The following IL1RAPL1 variants were observed in gnomAD, a reference collection of about 807,000 sequenced individuals.
IL1RAPL1 encodes the protein interleukin-1 receptor accessory protein-like 1.
A neutral mutation model predicts 48.4 loss-of-function variants in IL1RAPL1; 3 were observed. The observed-to-expected ratio is 0.06, with a 90% CI of 0.03 to 0.16. The LOEUF (loss-of-function observed/expected upper bound fraction) is 0.16. Among genes scored for constraint, IL1RAPL1 ranks in the 10% least tolerant of loss-of-function variants. The pLI, the probability that IL1RAPL1 is intolerant of heterozygous loss-of-function variation, is 1.00. For synonymous variants in IL1RAPL1, 185 were observed against 187.7 expected, an observed-to-expected ratio of 0.99 and a Z score of 0.12; for missense variants, 349 against 530.6, an observed-to-expected ratio of 0.66 and a Z score of 3.36.
chrX:29,261,483 C>T (rs965056703), intron 2 of IL1RAPL1, among the ~76,000 whole-genome samples: 7 of 110,992 alleles, frequency 6.3e-5, no homozygotes, highest in African/African-American at 2.3e-4. Context: ...GGTACCAAAA[C>T]CCACCCTCTT....
chrX:29,597,047 A>G (rs1923571458), intron 5 of IL1RAPL1, among the ~76,000 whole-genome samples: 1 of 110,644 alleles, frequency 9.0e-6, no homozygotes, highest in Admixed American at 9.6e-5. Flanking sequence ...TGAGTTGTGG[A>G]TGTTAAACCA....
intron 5 of IL1RAPL1, among the ~76,000 whole-genome samples, chrX:29,416,460 T>TG (rs1220121802): frequency 1.8e-5 from 2 of 110,209 alleles, no homozygotes; most frequent in Admixed American, 9.8e-5. Flanking sequence ...CACTTGAACT[T>TG]GGGGGGGCAG....
intron 3 of IL1RAPL1, among the ~76,000 whole-genome samples, chrX:29,286,947 A>C (rs1932291939): frequency 9.1e-6 from 1 of 110,256 alleles, no homozygotes; most frequent in Non-Finnish European, 1.9e-5. Flanking sequence ...TGCCATACCC[A>C]GATTTGCTCG....
chrX:28,910,238 A>C (rs1465181021), intron 2 of IL1RAPL1, among the ~76,000 whole-genome samples: 1 of 111,192 alleles, frequency 9.0e-6, no homozygotes, highest in Non-Finnish European at 1.9e-5. Flanking sequence ...GATTTTCTTT[A>C]TTTGATCTGA....
intron 6 of IL1RAPL1, among the ~76,000 whole-genome samples, chrX:29,833,724 G>GTGTT (rs1277665204): frequency 8.9e-6 from 1 of 111,773 alleles, no homozygotes; most frequent in Non-Finnish European, 1.9e-5. Context: ...ACTGACTAGA[G>GTGTT]TGTTAGGAAC....
chrX:29,806,943 T>C (rs1221767054), intron 6 of IL1RAPL1, among the ~76,000 whole-genome samples: 1 of 110,005 alleles, frequency 9.1e-6, no homozygotes, highest in African/African-American at 3.3e-5. Flanking sequence ...TCTGACCATG[T>C]AAGATGTGCC....
chrX:29,737,262 T>C (rs1462825819), intron 6 of IL1RAPL1, among the ~76,000 whole-genome samples: 1 of 111,842 alleles, frequency 8.9e-6, no homozygotes, highest in Non-Finnish European at 1.9e-5. Context: ...TCAAATTTCT[T>C]TTATGGATAA....
intron 2 of IL1RAPL1, among the ~76,000 whole-genome samples, chrX:28,994,744 GA>G (rs746762481): frequency 1.8e-5 from 2 of 111,662 alleles, no homozygotes; most frequent in Admixed American, 1.9e-4. Flanking sequence ...TTATTTCAAT[GA>G]AAAATCTGAA....
chrX:29,372,049 A>C (rs949709311), intron 3 of IL1RAPL1, among the ~76,000 whole-genome samples: 3 of 112,535 alleles, frequency 2.7e-5, no homozygotes, highest in South Asian at 7.2e-4. Flanking sequence ...CCAAAAGTGC[A>C]CAAGAGTTCT....
At chrX:28,686,084 C>T (rs1486537551) in intron 1 of IL1RAPL1, among the ~76,000 whole-genome samples, 3 of 111,640 alleles carry the variant, frequency 2.7e-5, no homozygotes, top group Admixed American at 9.5e-5. Flanking sequence ...AATGATTCTA[C>T]GTGGCCTAAA....
intron 5 of IL1RAPL1, among the ~76,000 whole-genome samples, chrX:29,667,729 G>C (rs984292492): frequency 8.9e-6 from 1 of 112,158 alleles, no homozygotes; most frequent in Non-Finnish European, 1.9e-5. Flanking sequence ...GTTGACGAGA[G>C]CACAGAGCAG....
At chrX:28,830,992 TTC>T (rs1160527555) in intron 2 of IL1RAPL1, among the ~76,000 whole-genome samples, 299 of 16,047 alleles carry the variant, frequency 0.019, 6 homozygotes, top group Middle Eastern at 0.14. Flanking sequence ...TGCCCAGGGT[TTC>T]TCTCTCTCTC....
At chrX:29,153,019 A>C (rs2147499819) in intron 2 of IL1RAPL1, among the ~76,000 whole-genome samples, 1 of 112,186 alleles carries the variant, frequency 8.9e-6, no homozygotes, top group Non-Finnish European at 1.9e-5. Flanking sequence ...AGCTAAAGTT[A>C]AGGTGTCATC....
chrX:29,142,848 G>A (rs1358519776), intron 2 of IL1RAPL1, among the ~76,000 whole-genome samples: 1 of 109,921 alleles, frequency 9.1e-6, no homozygotes, highest in Admixed American at 9.8e-5. Context: ...TTACAGATGT[G>A]TGCCACCACA....
chrX:29,556,001 T>C (rs1307368674), intron 5 of IL1RAPL1, among the ~76,000 whole-genome samples: 1 of 111,700 alleles, frequency 9.0e-6, no homozygotes, highest in African/African-American at 3.3e-5. Context: ...CTGTATTCAT[T>C]TGCATAATTT....
At position 29,529,284 on chromosome X, in the gene IL1RAPL1, G is replaced by A. The variant is rs1386489432; in HGVS notation, c.703+129976G>A. Among the ~76,000 whole-genome samples, 3 of 111,177 alleles carry A rather than the reference G, an allele frequency of 2.7e-5. No homozygotes were observed. The East Asian group carries it at 8.5e-4, about 31-fold the overall frequency. On this transcript the variant is annotated intron_variant, in intron 5 of 10. Coordinates refer to ENST00000378993, the MANE Select transcript of IL1RAPL1 (RefSeq NM_014271.4). ...ATTATTTGATCAATTAACAAAATTA[G>A]AATATGAACTACAGTTGAAAGTATT...
chrX:29,188,315 ATG>A (rs973099170), intron 2 of IL1RAPL1, among the ~76,000 whole-genome samples: 25 of 111,495 alleles, frequency 2.2e-4, no homozygotes, highest in African/African-American at 6.8e-4. Flanking sequence ...ATTACCACCA[ATG>A]TGATTTTTTC....
chrX:29,180,566 G>A (rs868189297), intron 2 of IL1RAPL1, among the ~76,000 whole-genome samples: 8 of 109,952 alleles, frequency 7.3e-5, no homozygotes, highest in African/African-American at 2.6e-4. Flanking sequence ...TAGTAGAGAC[G>A]GGGTTTCACC....
At chrX:29,260,617 A>G (rs899954653) in intron 2 of IL1RAPL1, among the ~76,000 whole-genome samples, 18 of 111,917 alleles carry the variant, frequency 1.6e-4, no homozygotes, top group Non-Finnish European at 3.4e-4. Flanking sequence ...GAGTGGGGAC[A>G]CAGTCAAACC....
Sources: gnomAD v4.1 joint callset for allele counts (sites outside exome capture counted in the v4.1 genomes callset) on GRCh38, gnomAD v4.1.1 for gene constraint, MANE v1.5 for transcripts, NCBI Gene and HGNC (gene_info 2026-07-23, HGNC 2026-07-21) for gene names.